KIF26B: variants seen among roughly 807,000 people sequenced by gnomAD.
KIF26B encodes the protein kinesin family member 26B, also known as kinesin-like protein KIF26B.
Under a neutral mutation model 151.2 loss-of-function variants are expected in KIF26B, and 63 were observed. That is an observed-to-expected ratio of 0.42 (90% CI 0.34 to 0.51). The LOEUF (loss-of-function observed/expected upper bound fraction) is 0.51, where lower values mean the gene tolerates loss of function less well. Ranked by LOEUF, KIF26B falls within the 20% of genes least tolerant of loss-of-function variation. The pLI, the probability that KIF26B is intolerant of heterozygous loss-of-function variation, is 0.07. For missense variants in KIF26B, 2,813 were observed against 2,913.6 expected (o/e 0.97, Z 0.79); for synonymous variants, 1,357 against 1,262.1 (o/e 1.08, Z -1.59).
chr1:245,159,578 T>A (rs1668501543), intron 2 of KIF26B, among the ~76,000 whole-genome samples: 1 of 152,216 alleles, frequency 6.6e-6, no homozygotes, highest in Non-Finnish European at 1.5e-5. Flanking sequence ...TCTGTTAGAT[T>A]TATGTTTTAC....
chr1:245,206,288 C>T (rs1669404488), intron 2 of KIF26B, among the ~76,000 whole-genome samples: 1 of 152,216 alleles, frequency 6.6e-6, no homozygotes. Flanking sequence ...TGTGAAGCCT[C>T]AGCTGTCACT....
intron 5 of KIF26B, among the ~76,000 whole-genome samples, chr1:245,569,365 T>C (rs113628615): frequency 0.018 from 2,696 of 152,198 alleles, 86 homozygotes; most frequent in African/African-American, 0.058. Flanking sequence ...CCCAGCACTT[T>C]GGGAGGCTGA....
chr1:245,303,337 T>C (rs1329693145), intron 2 of KIF26B, among the ~76,000 whole-genome samples: 5 of 150,938 alleles, frequency 3.3e-5, no homozygotes, highest in South Asian at 2.1e-4. Flanking sequence ...TAGCTGGGAC[T>C]ACAGGTGCCC....
chr1:245,437,633 C>T (rs1214020646), intron 4 of KIF26B, among the ~76,000 whole-genome samples: 1 of 152,168 alleles, frequency 6.6e-6, no homozygotes, highest in Admixed American at 6.5e-5. Flanking sequence ...GTTCAAGCTG[C>T]AGTAAATTTA....
chr1:245,618,441 T>C lies in KIF26B; in HGVS notation c.2098+6465T>C, dbSNP rs939261953. On this transcript the variant is annotated intron_variant, in intron 9 of 14. Coordinates refer to ENST00000407071, the MANE Select transcript of KIF26B (RefSeq NM_018012.4). The stretch of plus-strand genomic sequence containing the variant: ...CGTCAGTATCCAAGGCCTATTAGAC[T>C]ATAGGTTCCTTGAGACAGAGTGCCA... Among the ~76,000 whole-genome samples the C allele has an allele frequency of 1.8e-4, 27 of 151,634 alleles. 1 individual carries two copies. Among genetic ancestry groups the C allele is most frequent in the Non-Finnish European group, 2.9e-4 (20 of 67,948 alleles).
At chr1:245,395,676 T>A (rs978681339) in intron 3 of KIF26B, among the ~76,000 whole-genome samples, 1 of 152,194 alleles carries the variant, frequency 6.6e-6, no homozygotes, top group Non-Finnish European at 1.5e-5. Flanking sequence ...TTAACCAGCA[T>A]GCTTCTGTCT....
chr1:245,172,688 T>C (rs1041933772), intron 2 of KIF26B, among the ~76,000 whole-genome samples: 5 of 152,198 alleles, frequency 3.3e-5, no homozygotes, highest in Non-Finnish European at 5.9e-5. Flanking sequence ...TATGCGCCTG[T>C]AATTCCAGCT....
In KIF26B at chr1:245,155,469, C is replaced by A; in HGVS notation, c.45C>A (p.Thr15=). The A allele has an allele frequency of 6.2e-7, 1 of 1,612,114 alleles. No individual in the cohort carries two copies. The highest frequency in any genetic ancestry group is 8.5e-7 in the Non-Finnish European group (1 of 1,179,034). ...ATAAAGAGAGGCTTGCGGTCTCCAC[C>A]AGGGGCAAGAAATACGGGGTAAGTT... ...AGNKERLAVS[T]RGKKYGVNEV... Residue 15 remains threonine (T), a synonymous_variant, in exon 1 of 15, where the codon ACC becomes ACA. Transcript: ENST00000407071.
intron 4 of KIF26B, among the ~76,000 whole-genome samples, chr1:245,533,407 A>G (rs1661418368): frequency 6.6e-6 from 1 of 152,122 alleles, no homozygotes; most frequent in Non-Finnish European, 1.5e-5. Flanking sequence ...GTAGAGCTCG[A>G]ATGACCTCTT....
rs12121683 is a variant in KIF26B at position 245,307,901 on chromosome 1, C to A, written c.466-58933C>A. On this transcript the variant is annotated intron_variant, in intron 2 of 14. Coordinates refer to ENST00000407071, the MANE Select transcript of KIF26B (RefSeq NM_018012.4). ...GACTACAGGTGCCCGCCACCACGCC[C>A]GGCTAATTTTTTGTATTTTTAGTGG... Among the ~76,000 whole-genome samples the A allele has an allele frequency of 3.3e-3, 509 of 152,152 alleles. 1 individual carries two copies. The highest frequency in any genetic ancestry group is 0.012 in the African/African-American group (481 of 41,534).
At chr1:245,646,993 C>T (rs1046470163) in intron 10 of KIF26B, among the ~76,000 whole-genome samples, 1 of 152,252 alleles carries the variant, frequency 6.6e-6, no homozygotes, top group Non-Finnish European at 1.5e-5. Context: ...AGGCCATTGA[C>T]TGGCTGTCCA....
At chr1:245,329,544 G>A (rs1672058955) in intron 2 of KIF26B, among the ~76,000 whole-genome samples, 1 of 152,200 alleles carries the variant, frequency 6.6e-6, no homozygotes, top group Admixed American at 6.5e-5. Context: ...ATGTGTGGAA[G>A]GACAGGGTCC....
intron 2 of KIF26B, among the ~76,000 whole-genome samples, chr1:245,365,860 A>G (rs778087470): frequency 2.0e-5 from 3 of 152,180 alleles, no homozygotes; most frequent in Non-Finnish European, 4.4e-5. Flanking sequence ...GCAGAACTCC[A>G]AGGTCACAAG....
chr1:245,564,829 C>T lies in KIF26B; in HGVS notation c.1350+23879C>T, dbSNP rs1399943893. Reference sequence around the variant, plus strand: ...TTTATCATTAGATTCTCTCAAGGAGCGTGCAACCTAGACCCCCACATGCAC... The same window carrying T: ...TTTATCATTAGATTCTCTCAAGGAGTGTGCAACCTAGACCCCCACATGCAC... On this transcript the variant is annotated intron_variant, in intron 5 of 14. Coordinates refer to ENST00000407071, the MANE Select transcript of KIF26B (RefSeq NM_018012.4). The surrounding 1 kb of genome is among the most constrained non-coding windows in gnomAD (Gnocchi z 4.6). 1.3e-5 allele frequency among the ~76,000 whole-genome samples: 2 copies of T among 152,142 alleles called. No homozygotes were observed. Among genetic ancestry groups the T allele is most frequent in the African/African-American group, 2.4e-5 (1 of 41,422 alleles).
chr1:245,182,863 C>G (rs1558336800), intron 2 of KIF26B, among the ~76,000 whole-genome samples: 2 of 152,200 alleles, frequency 1.3e-5, no homozygotes, highest in African/African-American at 4.8e-5. Context: ...TCTTGAACCT[C>G]TGACCCTCGT....
chr1:245,477,449 CA>C, intron 4 of KIF26B, among the ~76,000 whole-genome samples: 1 of 151,836 alleles, frequency 6.6e-6, no homozygotes, highest in South Asian at 2.1e-4. Context: ...TCATCCACCA[CA>C]AACACAGTAG....
intron 9 of KIF26B, among the ~76,000 whole-genome samples, chr1:245,633,292 TTTAAA>T (rs1362306836): frequency 2.6e-5 from 4 of 151,822 alleles, no homozygotes; most frequent in East Asian, 1.9e-4. Flanking sequence ...TTTTTTTTTT[TTTAAA>T]TAAATCCATT....
At position 245,614,547 on chromosome 1, in the gene KIF26B, C is replaced by T. The variant is rs528691907; in HGVS notation, c.2098+2571C>T. Among the ~76,000 whole-genome samples, 3 of 152,372 alleles carry T rather than the reference C, an allele frequency of 2.0e-5. No homozygotes were observed. The South Asian group carries it at 6.2e-4, about 32-fold the overall frequency. ...CAGGACAGAATGAAAATATCCACAG[C>T]TGGGGCTGGAGTTCCTCTAACTGGG... On this transcript the variant is annotated intron_variant, in intron 9 of 14. Coordinates refer to ENST00000407071, the MANE Select transcript of KIF26B (RefSeq NM_018012.4).
chr1:245,298,775 C>T (rs970633439), intron 2 of KIF26B, among the ~76,000 whole-genome samples: 2 of 152,070 alleles, frequency 1.3e-5, no homozygotes, highest in Non-Finnish European at 2.9e-5. Context: ...CAGGAGAGAC[C>T]CCACATGTCA....
Sources: gnomAD v4.1 joint callset for allele counts (sites outside exome capture counted in the v4.1 genomes callset) on GRCh38, gnomAD v4.1.1 for gene constraint, Gnocchi (gnomAD v3.1) non-coding constraint, MANE v1.5 for transcripts, NCBI Gene and HGNC (gene_info 2026-07-23, HGNC 2026-07-21) for gene names.